The following UBE2H variants were observed in gnomAD, a reference collection of about 807,000 sequenced individuals.
UBE2H encodes ubiquitin-conjugating enzyme E2 H.
Under a neutral mutation model 29.0 loss-of-function variants are expected in UBE2H, and 3 were observed. The observed-to-expected ratio is 0.10, with a 90% CI of 0.05 to 0.27. The LOEUF (loss-of-function observed/expected upper bound fraction) is 0.27, where lower values mean the gene tolerates loss of function less well. Ranked by LOEUF, UBE2H falls within the 10% of genes least tolerant of loss-of-function variation. UBE2H has a pLI of 1.00. For missense variants in UBE2H, 68 were observed against 228.2 expected (o/e 0.30, Z 4.52); for synonymous variants, 69 against 82.9 (o/e 0.83, Z 0.91).
rs73471916 is a variant in UBE2H, at chr7:129,921,990, T to A, written c.53+30513A>T. On this transcript the variant is annotated intron_variant, in intron 1 of 6. Coordinates refer to ENST00000355621, the MANE Select transcript of UBE2H (RefSeq NM_003344.4). ...TGTAAGAAAAGTCCTTATTCTTTTT[T>A]AATTTTTTTTTTTTAGACAGTCTCA... Among the ~76,000 whole-genome samples, 1,503 of 152,148 alleles carry A rather than the reference T, an allele frequency of 9.9e-3. 25 individuals are homozygous for A. Among genetic ancestry groups the A allele is most frequent in the African/African-American group, 0.034 (1,420 of 41,488 alleles).
intron 1 of UBE2H, among the ~76,000 whole-genome samples, chr7:129,891,246 T>C (rs1203809473): frequency 6.6e-6 from 1 of 151,734 alleles, no homozygotes; most frequent in Non-Finnish European, 1.5e-5. Context: ...AGTGCAATGG[T>C]GCCATCTTGG....
At chr7:129,918,798 G>A (rs571996641) in intron 1 of UBE2H, among the ~76,000 whole-genome samples, 2 of 152,124 alleles carry the variant, frequency 1.3e-5, no homozygotes, top group Non-Finnish European at 2.9e-5. Context: ...AGAAAAGAAA[G>A]AAGGCTGTGC....
At position 129,858,684 on chromosome 7, in the gene UBE2H, G is replaced by C. The variant is rs1052968223; in HGVS notation, c.245+218C>G. Among the ~76,000 whole-genome samples the C allele has an allele frequency of 2.9e-4, 44 of 152,254 alleles. 1 individual carries two copies. The highest frequency in any genetic ancestry group is 3.4e-3 in the Middle Eastern group (1 of 294). On this transcript the variant is annotated intron_variant, in intron 4 of 6. Transcript: ENST00000355621. ...GGTAACAAGAAAAATGAAGGACCCA[G>C]TCACGACAATGGAAAAAAATAAGTG...
chr7:129,885,787 A>G (rs1806348449), intron 1 of UBE2H, among the ~76,000 whole-genome samples: 1 of 152,218 alleles, frequency 6.6e-6, no homozygotes, highest in Non-Finnish European at 1.5e-5. Flanking sequence ...TGAGATAGAA[A>G]AAAGAATTTA....
chr7:129,887,602 A>T (rs891345025), intron 1 of UBE2H, among the ~76,000 whole-genome samples: 1 of 152,172 alleles, frequency 6.6e-6, no homozygotes, highest in African/African-American at 2.4e-5. Context: ...GAGGTGCGAC[A>T]GTTTGAAGAA....
At chr7:129,857,639 C>A in intron 4 of UBE2H, 76 bp from the exon 5 acceptor site, 1 of 1,466,352 alleles carries the variant, frequency 6.8e-7, no homozygotes. Flanking sequence ...CTAATTTTTA[C>A]TTATCAAGAG....
At chr7:129,880,188 T>A in intron 2 of UBE2H, among the ~76,000 whole-genome samples, 1 of 151,772 alleles carries the variant, frequency 6.6e-6, no homozygotes, top group East Asian at 1.9e-4. Context: ...TAAATAACAA[T>A]ACAATTAAAA....
At chr7:129,891,318 T>G (rs1315298637) in intron 1 of UBE2H, among the ~76,000 whole-genome samples, 1 of 151,866 alleles carries the variant, frequency 6.6e-6, no homozygotes, top group African/African-American at 2.4e-5. Context: ...CCTATATAGC[T>G]GGGATTACAG....
At chr7:129,944,172 T>A (rs187856394) in intron 1 of UBE2H, among the ~76,000 whole-genome samples, 1 of 151,158 alleles carries the variant, frequency 6.6e-6, no homozygotes, top group South Asian at 2.1e-4. Flanking sequence ...CTCGCTAACA[T>A]GGTGAAACCC....
At chr7:129,912,397 TAA>T (rs1405045935) in intron 1 of UBE2H, among the ~76,000 whole-genome samples, 1 of 152,134 alleles carries the variant, frequency 6.6e-6, no homozygotes, top group African/African-American at 2.4e-5. Context: ...TCTTTCTTTT[TAA>T]AGAGATGGGG....
chr7:129,924,746 T>C (rs912306889), intron 1 of UBE2H, among the ~76,000 whole-genome samples: 5 of 151,952 alleles, frequency 3.3e-5, no homozygotes, highest in Non-Finnish European at 7.4e-5. Flanking sequence ...ATTTGATAGA[T>C]AAGGACACAG....
rs1360964850 is a variant in UBE2H at position 129,942,235 on chromosome 7, AAG to A, written c.53+10266_53+10267del. 2.0e-5 allele frequency among the ~76,000 whole-genome samples: 3 copies of A among 149,794 alleles called. No individual in the cohort carries two copies. In the East Asian group the frequency reaches 5.9e-4, roughly 30 times the overall value. ...CTCAAAAAAAAAAAAAAAAAAAAAA[AAG>A]CTTCAAAAAATTCCAGGCTGGGCGC... On this transcript the variant is annotated intron_variant, in intron 1 of 6. Transcript: ENST00000355621.
At chr7:129,911,994 T>A (rs1388709101) in intron 1 of UBE2H, among the ~76,000 whole-genome samples, 1 of 152,124 alleles carries the variant, frequency 6.6e-6, no homozygotes, top group African/African-American at 2.4e-5. Flanking sequence ...TGACTGAGAA[T>A]GAAGCCTAAG....
intron 1 of UBE2H, among the ~76,000 whole-genome samples, chr7:129,907,137 G>T (rs1046978464): frequency 2.4e-4 from 36 of 150,528 alleles, no homozygotes; most frequent in African/African-American, 6.6e-4. Flanking sequence ...GGGTGTTCTT[G>T]TTTTTTTTTG....
At chr7:129,854,069 T>TTTTTTTTTATTTTTTTTATTA (rs1563022992) in intron 5 of UBE2H, among the ~76,000 whole-genome samples, 1 of 149,516 alleles carries the variant, frequency 6.7e-6, no homozygotes, top group Admixed American at 6.6e-5. Flanking sequence ...AGTTTTTTTT[T>TTTTTTTTTATTTTTTTTATTA]TTTTTTTTTT....
intron 1 of UBE2H, among the ~76,000 whole-genome samples, chr7:129,881,610 T>C (rs1040546516): frequency 1.4e-5 from 2 of 146,212 alleles, no homozygotes; most frequent in African/African-American, 2.6e-5. Flanking sequence ...ATCACATCAC[T>C]GCACTCCAGC....
chr7:129,858,312 G>A (rs1652348574), intron 4 of UBE2H, among the ~76,000 whole-genome samples: 1 of 152,134 alleles, frequency 6.6e-6, no homozygotes, highest in South Asian at 2.1e-4. Context: ...CTCACACAGA[G>A]TGCAGAAAAA....
chr7:129,859,053 C>T (rs1805755213), intron 3 of UBE2H, 112 bp from the exon 4 acceptor site: 1 of 805,128 alleles, frequency 1.2e-6, no homozygotes. Flanking sequence ...TTATAAATCA[C>T]TACTTTCAAC....
intron 6 of UBE2H, among the ~76,000 whole-genome samples, chr7:129,836,664 G>A (rs2116257692): frequency 6.6e-6 from 1 of 152,208 alleles, no homozygotes; most frequent in South Asian, 2.1e-4. Flanking sequence ...TATATCACCT[G>A]AGGTTAGGAC....
Sources: gnomAD v4.1 joint callset for allele counts (sites outside exome capture counted in the v4.1 genomes callset) on GRCh38, gnomAD v4.1.1 for gene constraint, MANE v1.5 for transcripts, NCBI Gene and HGNC (gene_info 2026-07-23, HGNC 2026-07-21) for gene names.